The following XAF1 variants were observed in gnomAD, a reference collection of about 807,000 sequenced individuals.
The protein encoded by XAF1 is XIAP associated factor 1.
A neutral mutation model predicts 32.3 loss-of-function variants in XAF1; 32 were observed. That is an observed-to-expected ratio of 0.99 (90% CI 0.75 to 1.33). XAF1 has a LOEUF of 1.33. Ranked by LOEUF, XAF1 falls within the 40% of genes most tolerant of loss-of-function variation. XAF1 has a pLI of 0.00. For synonymous variants in XAF1, 120 were observed against 125.9 expected (o/e 0.95, Z 0.31); for missense variants, 379 against 366.0 (o/e 1.04, Z -0.29).
chr17:6,764,182 A>G (rs907892131), intron 5 of XAF1, among the ~76,000 whole-genome samples: 9 of 152,302 alleles, frequency 5.9e-5, no homozygotes, highest in Admixed American at 5.2e-4. Context: ...AATGGGGATA[A>G]TGGTTTATCT....
chr17:6,756,175 G>C, intron 1 of XAF1, 65 bp downstream of exon 1: 1 of 1,612,668 alleles, frequency 6.2e-7, no homozygotes, highest in Admixed American at 1.7e-5. Flanking sequence ...ACGACATAGG[G>C]CTGTTTCTGA....
intron 5 of XAF1, among the ~76,000 whole-genome samples, chr17:6,769,381 A>G (rs1403956331): frequency 6.6e-6 from 1 of 152,220 alleles, no homozygotes; most frequent in African/African-American, 2.4e-5. Context: ...ATATTAAAAT[A>G]TCACATTGTA....
At chr17:6,762,858 CCTT>C (rs1030635820) in intron 5 of XAF1, among the ~76,000 whole-genome samples, 5 of 152,230 alleles carry the variant, frequency 3.3e-5, no homozygotes, top group South Asian at 2.1e-4. Flanking sequence ...GAACTCTTCT[CCTT>C]CTCCTTGGGC....
intron 2 of XAF1, chr17:6,759,261 T>C (rs1404805187): frequency 8.8e-7 from 1 of 1,130,706 alleles, no homozygotes; most frequent in Non-Finnish European, 1.1e-6. Context: ...TACAGGCTTA[T>C]GGATCTGGCA....
chr17:6,758,089 TA>T lies in XAF1; in HGVS notation c.37del (p.Arg13AspfsTer3). 6.2e-7 allele frequency: 1 copy of T among 1,614,226 alleles called. No homozygotes were observed. The highest frequency in any genetic ancestry group is 1.6e-4 in the Middle Eastern group (1 of 6,062). ...CTATCCCCACACCTTGACCCTGTAG[TA>T]AAAGACATGTAGTCTCTGCCAACTT... Reference protein sequence around the residue: ...EGDFSVCRNCKRHVVSANFTL... With the variant: ...EGDFSVCRNCXRHVVSANFTL... On this transcript the variant is annotated frameshift_variant and splice_region_variant, in exon 2 of 7. Coordinates refer to ENST00000361842, the MANE Select transcript of XAF1 (RefSeq NM_017523.5). LOFTEE classifies it high-confidence loss of function.
At chr17:6,757,725 A>C (rs923133633) in intron 1 of XAF1, among the ~76,000 whole-genome samples, 43 of 144,166 alleles carry the variant, frequency 3.0e-4, no homozygotes, top group African/African-American at 8.5e-4. Context: ...AAAGGGTAGC[A>C]ATTGATAAGT....
At chr17:6,755,764 G>A, upstream of XAF1, 2 of 1,164,404 alleles carry the variant, frequency 1.7e-6, no homozygotes, top group South Asian at 5.0e-5. Flanking sequence ...AGAGAAGCCA[G>A]CCAGCCAGGG....
intron 5 of XAF1, among the ~76,000 whole-genome samples, chr17:6,767,386 C>A (rs34811366): frequency 0.082 from 12,458 of 151,928 alleles, 629 homozygotes; most frequent in East Asian, 0.13. Context: ...TGAAATCAGC[C>A]GAAGAAGATT....
Position 6,762,193 on chromosome 17 carries a change from C to A in XAF1, c.460C>A (p.His154Asn), listed in dbSNP as rs1567652584. 2 of 1,613,724 alleles carry A rather than the reference C, an allele frequency of 1.2e-6. No individual in the cohort carries two copies. The highest frequency in any genetic ancestry group is 4.5e-5 in the East Asian group (2 of 44,888). ...ISAPEREIYC[H>N]YCNQMIPENK... ...AGCTCCTGAAAGGGAAATCTACTGT[C>A]ATTATTGCAACCAAATGATTCCAGA... is the stretch of plus-strand genomic sequence containing the variant. Residue 154 changes from histidine to asparagine, a missense_variant, in exon 5 of 7, where the codon CAT becomes AAT. By Grantham distance (68) the His-to-Asn change is moderately conservative. Coordinates refer to ENST00000361842, the MANE Select transcript of XAF1 (RefSeq NM_017523.5).
At chr17:6,764,634 G>A (rs939210381) in intron 5 of XAF1, among the ~76,000 whole-genome samples, 14 of 152,104 alleles carry the variant, frequency 9.2e-5, no homozygotes, top group Non-Finnish European at 1.9e-4. Flanking sequence ...GTGGTTTTCA[G>A]TCTTTAACTT....
chr17:6,756,393 T>G, intron 1 of XAF1: 1 of 841,374 alleles, frequency 1.2e-6, no homozygotes, highest in Non-Finnish European at 1.7e-6. Context: ...TGGTCCCAAC[T>G]GGGCTACTCA....
chr17:6,755,979 C>T (rs527930849), upstream of XAF1: 2 of 1,602,996 alleles, frequency 1.2e-6, no homozygotes, highest in South Asian at 2.2e-5. Flanking sequence ...AAGATCTCCT[C>T]CCTCCCTGAA....
upstream of XAF1, chr17:6,756,007 C>T (rs570945864): frequency 7.0e-5 from 113 of 1,611,786 alleles, 1 homozygote; most frequent in South Asian, 5.3e-4. Context: ...GCTGGGCCAT[C>T]GGAAAACTTT....
chr17:6,763,365 T>C (rs1429251419), intron 5 of XAF1, among the ~76,000 whole-genome samples: 3 of 152,216 alleles, frequency 2.0e-5, no homozygotes, highest in Non-Finnish European at 2.9e-5. Context: ...TCTCACTCTG[T>C]TGCCCAGGCT....
Position 6,759,646 on chromosome 17 carries a change from G to C in XAF1, c.169-16G>C, listed in dbSNP as rs761632185. 1 of 1,612,116 alleles carries C rather than the reference G, an allele frequency of 6.2e-7. No individual in the cohort carries two copies. The highest frequency in any genetic ancestry group is 8.5e-7 in the Non-Finnish European group (1 of 1,179,834). ...CCACATCTGGTGTGTGTGTGTGTGT[G>C]TGTGTGTGTGTTTAGGTTGGGTGTA... is the stretch of plus-strand genomic sequence containing the variant. On this transcript the variant is annotated splice_polypyrimidine_tract_variant and intron_variant, in intron 2 of 6. Transcript: ENST00000361842.
intron 4 of XAF1, 131 bp from the exon 5 acceptor site, chr17:6,762,024 A>G (rs767851622): frequency 6.4e-7 from 1 of 1,550,592 alleles, no homozygotes; most frequent in Non-Finnish European, 8.7e-7. Context: ...GCAGCGCAGG[A>G]AAGTCAAGAC....
intron 5 of XAF1, among the ~76,000 whole-genome samples, chr17:6,764,709 C>T (rs1396339667): frequency 1.3e-5 from 2 of 152,072 alleles, no homozygotes; most frequent in African/African-American, 4.8e-5. Flanking sequence ...CTATAAGCTA[C>T]CATCTTGTTT....
intron 1 of XAF1, among the ~76,000 whole-genome samples, chr17:6,756,961 A>G (rs955839413): frequency 2.6e-5 from 4 of 151,148 alleles, no homozygotes; most frequent in Non-Finnish European, 5.9e-5. Context: ...AGCTGATGGA[A>G]ATGAAAGGAG....
chr17:6,759,871 G>T, intron 3 of XAF1, 153 bp downstream of exon 3: 1 of 1,283,424 alleles, frequency 7.8e-7, no homozygotes, highest in Non-Finnish European at 1.1e-6. Context: ...CTAGCCCACC[G>T]CATAACACAG....
Sources: gnomAD v4.1 joint callset for allele counts (sites outside exome capture counted in the v4.1 genomes callset) on GRCh38, gnomAD v4.1.1 for gene constraint, MANE v1.5 for transcripts, NCBI Gene and HGNC (gene_info 2026-07-23, HGNC 2026-07-21) for gene names.